Variants in HHATL observed in about 807,000 individuals in gnomAD.
HHATL encodes hedgehog acyltransferase like, also known as protein-cysteine N-palmitoyltransferase HHAT-like protein.
A neutral mutation model predicts 59.7 loss-of-function variants in HHATL; 49 were observed. That is an observed-to-expected ratio of 0.82 (90% CI 0.65 to 1.04). HHATL has a LOEUF of 1.04. HHATL is among the 50% of genes least tolerant of loss of function. The pLI is 0.00. For synonymous variants in HHATL, 238 were observed against 257.3 expected (o/e 0.93, Z 0.72); for missense variants, 605 against 650.8 (o/e 0.93, Z 0.77).
intron 9 of HHATL, 131 bp from the exon 10 acceptor site, chr3:42,693,949 T>C: frequency 1.4e-6 from 1 of 703,850 alleles, no homozygotes; most frequent in Non-Finnish European, 2.4e-6. Context: ...TGACCTCACG[T>C]AGCAGCTCCT....
At chr3:42,693,909 C>A (rs1697475774) in intron 9 of HHATL, 91 bp from the exon 10 acceptor site, 3 of 1,042,160 alleles carry the variant, frequency 2.9e-6, no homozygotes, top group Non-Finnish European at 4.4e-6. Context: ...TCCTCCTCAA[C>A]ACTGTCACCC....
chr3:42,699,081 A>C lies in HHATL; in HGVS notation c.239T>G (p.Leu80Arg), dbSNP rs779389328. 4 of 1,614,074 alleles carry C rather than the reference A, an allele frequency of 2.5e-6. No homozygotes were observed. Among genetic ancestry groups the C allele is most frequent in the Non-Finnish European group, 3.4e-6 (4 of 1,180,022 alleles). Reference sequence around the variant, plus strand: ...TTTAGCAAACAGCACATGTCCGGAGAGGGCAAAGATGATGACGTTGCGAAA... The same window carrying C: ...TTTAGCAAACAGCACATGTCCGGAGCGGGCAAAGATGATGACGTTGCGAAA... The part of the protein sequence containing the change: ...TSFRNVIIFA[L>R]SGHVLFAKLC... Residue 80 changes from leucine to arginine, a missense_variant, in exon 4 of 12, where the codon CTC (leucine) becomes CGC (arginine). By Grantham distance (102) the Leu-to-Arg change is moderately radical. Transcript: ENST00000441594.
intron 11 of HHATL, 52 bp downstream of exon 11, chr3:42,693,025 C>A: frequency 1.2e-6 from 2 of 1,609,852 alleles, no homozygotes; most frequent in Non-Finnish European, 1.7e-6. Flanking sequence ...AGGTCACGGT[C>A]CTTGAGGCTG....
intron 5 of HHATL, 88 bp downstream of exon 5, chr3:42,698,620 T>C: frequency 1.4e-6 from 2 of 1,418,520 alleles, no homozygotes; most frequent in South Asian, 1.4e-5. Flanking sequence ...AGGGAATACT[T>C]GGGGATACTT....
intron 4 of HHATL, 51 bp downstream of exon 4, chr3:42,698,980 TG>T: frequency 6.2e-7 from 1 of 1,611,522 alleles, no homozygotes; most frequent in African/African-American, 1.3e-5. Flanking sequence ...ACAACCCTTG[TG>T]GTGAAAGAGG....
At chr3:42,696,680 C>T in intron 9 of HHATL, among the ~76,000 whole-genome samples, 162 bp downstream of exon 9, 1 of 152,180 alleles carries the variant, frequency 6.6e-6, no homozygotes, top group East Asian at 1.9e-4. Flanking sequence ...TAAATCCTAA[C>T]TTCTATATCT....
At position 42,699,780 on chromosome 3, in the gene HHATL, C is replaced by A. The variant is rs1697854019; in HGVS notation, c.152G>T (p.Trp51Leu). ...TACCATCTTCCGGCCAATGTACTCC[C>A]AGCCAGGTCGCACAGACTCCCGGAA... ...KAFRESVRPGWEYIGRKMDVA... is the reference protein window; with the variant it reads ...KAFRESVRPGLEYIGRKMDVA... Residue 51 changes from tryptophan to leucine, a missense_variant, in exon 3 of 12, where the codon TGG becomes TTG. Trp to Leu is a moderately conservative substitution (Grantham distance 61, BLOSUM62 -2). Transcript: ENST00000441594. 1 of 1,580,456 alleles carries A rather than the reference C, an allele frequency of 6.3e-7. No homozygotes were observed. Among genetic ancestry groups the A allele is most frequent in the African/African-American group, 1.3e-5 (1 of 74,252 alleles).
At position 42,700,735 on chromosome 3, in the gene HHATL, A is replaced by G. The variant is rs1173334757; in HGVS notation, c.92T>C (p.Leu31Pro). The G allele has an allele frequency of 6.2e-7, 1 of 1,612,656 alleles. No homozygotes were observed. Among genetic ancestry groups the G allele is most frequent in the Non-Finnish European group, 8.5e-7 (1 of 1,178,978 alleles). ...ACAGCCATTACCTTGTGAAGCCTCA[A>G]GGAGGCCCCGGCCAGCATAGGCCAG... Reference protein sequence around the residue: ...GALAYAGRGLLEASQDGAHRK... With the variant: ...GALAYAGRGLPEASQDGAHRK... Residue 31 changes from leucine to proline, a missense_variant, in exon 2 of 12, where the codon CTT becomes CCT. Transcript: ENST00000441594.
chr3:42,698,629 T>A lies in HHATL; in HGVS notation c.483+79A>T, dbSNP rs1697763406. The A allele has an allele frequency of 4.8e-6, 7 of 1,461,542 alleles. No individual in the cohort carries two copies. In the African/African-American group the frequency reaches 8.5e-5, roughly 18 times the overall value. The allele number at this position is 1,461,542 out of a possible 1,614,324, so 90.5% of individuals were successfully genotyped here. ...AAGTGAAGGGAATACTTGGGGATAC[T>A]TGGGGTGCAAGGACTTTGGATGAAG... On this transcript the variant is annotated intron_variant, in intron 5 of 11. Transcript: ENST00000441594.
intron 2 of HHATL, 118 bp from the exon 3 acceptor site, chr3:42,699,943 TGA>T (rs1374205536): frequency 1.4e-6 from 1 of 735,726 alleles, no homozygotes; most frequent in African/African-American, 1.8e-5. Context: ...GGCACGGGTC[TGA>T]GTCTCTTTGG....
chr3:42,700,655 G>T, intron 2 of HHATL, 66 bp downstream of exon 2: 4 of 1,091,206 alleles, frequency 3.7e-6, no homozygotes, highest in Non-Finnish European at 5.5e-6. Flanking sequence ...GGCTTTGCTG[G>T]TTGGAACCCT....
At chr3:42,695,270 G>T (rs1230149980) in intron 9 of HHATL, among the ~76,000 whole-genome samples, 1 of 152,142 alleles carries the variant, frequency 6.6e-6, no homozygotes, top group East Asian at 1.9e-4. Flanking sequence ...CATTGATCTT[G>T]TGACCCTCCC....
intron 10 of HHATL, 174 bp downstream of exon 10, chr3:42,693,443 G>T: frequency 1.3e-6 from 1 of 754,734 alleles, no homozygotes; most frequent in Non-Finnish European, 2.1e-6. Context: ...ATTCCTCATA[G>T]AAGGGAGGGA....
At position 42,698,871 on chromosome 3, in the gene HHATL, G is replaced by A. The variant is rs760371078; in HGVS notation, c.320C>T (p.Ala107Val). The change falls in exon 5 of 12, where the codon GCC (alanine) becomes GTC (valine). Residue 107 changes from alanine (A) to valine (V), a missense_variant. Physicochemically the swap from Ala to Val is moderately conservative, Grantham distance 64. Transcript: ENST00000441594. ...GCCCATTGTGCCCATCACAGCCAAG[G>A]CCCCGTACACAGCATACATCCAGGA... ...LRSWMYAVYGALAVMGTMGPW... is the reference protein window; with the variant it reads ...LRSWMYAVYGVLAVMGTMGPW... 3.7e-6 allele frequency: 6 copies of A among 1,611,464 alleles called. No individual in the cohort carries two copies. The highest frequency in any genetic ancestry group is 5.1e-6 in the Non-Finnish European group (6 of 1,178,708).
chr3:42,697,199 C>A, intron 7 of HHATL, 54 bp from the exon 8 acceptor site: 1 of 1,502,376 alleles, frequency 6.7e-7, no homozygotes, highest in Non-Finnish European at 8.9e-7. Context: ...GGCCTGCCCC[C>A]ATGAAGACCC....
Position 42,699,778 on chromosome 3 carries a change from C to A in HHATL, c.154G>T (p.Glu52Ter). 2 of 1,580,672 alleles carry A rather than the reference C, an allele frequency of 1.3e-6. No homozygotes were observed. Among genetic ancestry groups the A allele is most frequent in the Admixed American group, 1.8e-5 (1 of 56,048 alleles). The change falls in exon 3 of 12, where the codon GAG becomes TAG. Residue 52 changes from glutamate (E) to a stop codon, truncating the protein, a stop_gained. Transcript: ENST00000441594. LOFTEE classifies it high-confidence loss of function. ...AFRESVRPGW[E>*]YIGRKMDVAD... is the part of the protein sequence containing the mutation. ...CCTACCATCTTCCGGCCAATGTACT[C>A]CCAGCCAGGTCGCACAGACTCCCGG...
Position 42,696,859 on chromosome 3 carries a change from G to A in HHATL, c.1029C>T (p.Ile343=), listed in dbSNP as rs1484849457. The A allele has an allele frequency of 6.2e-7, 1 of 1,614,148 alleles. No homozygotes were observed. The highest frequency in any genetic ancestry group is 8.5e-7 in the Non-Finnish European group (1 of 1,179,998). Residue 343 remains isoleucine (I), a synonymous_variant, in exon 9 of 12, where the codon ATC becomes ATT. Transcript: ENST00000441594. ...VFAETHFDRG[I]NDWLCKYVYN... Reference sequence around the variant, plus strand: ...CTACTCACTTGCAAAGCCAGTCGTTGATGCCACGGTCAAAGTGCCTGTAAG... The same window carrying A: ...CTACTCACTTGCAAAGCCAGTCGTTAATGCCACGGTCAAAGTGCCTGTAAG...
At position 42,697,680 on chromosome 3, in the gene HHATL, C is replaced by T; in HGVS notation, c.694-1G>A. On this transcript the variant is annotated splice_acceptor_variant, in intron 6 of 11. Coordinates refer to ENST00000441594, the MANE Select transcript of HHATL (RefSeq NM_020707.4). LOFTEE classifies it high-confidence loss of function. ...GTCTCACTGGCTCCACCTGGCTCACCTGGGGGGATGCGAAGGGTCTGAGGG... is the reference window on the plus strand; with the variant it reads ...GTCTCACTGGCTCCACCTGGCTCACTTGGGGGGATGCGAAGGGTCTGAGGG... The T allele has an allele frequency of 6.2e-7, 1 of 1,612,700 alleles. No homozygotes were observed.
At position 42,692,697 on chromosome 3, in the gene HHATL, C is replaced by A; in HGVS notation, c.*54G>T. The A allele has an allele frequency of 1.2e-6, 2 of 1,613,502 alleles. No homozygotes were observed. On this transcript the variant is annotated 3_prime_UTR_variant, in exon 12 of 12. Transcript: ENST00000441594. Reference sequence around the variant, plus strand: ...AAAGTCTTTTATTCTATCGGTCAGGCCCCATCTGGCCCAAGAATAGCTGAG... The same window carrying A: ...AAAGTCTTTTATTCTATCGGTCAGGACCCATCTGGCCCAAGAATAGCTGAG...
Sources: gnomAD v4.1 joint callset for allele counts (sites outside exome capture counted in the v4.1 genomes callset) on GRCh38, gnomAD v4.1.1 for gene constraint, MANE v1.5 for transcripts, NCBI Gene and HGNC (gene_info 2026-07-23, HGNC 2026-07-21) for gene names.